The following GRXCR1 variants were observed in gnomAD, a reference collection of about 807,000 sequenced individuals.
GRXCR1 encodes the protein glutaredoxin and cysteine rich domain containing 1.
GRXCR1 carries 27 observed loss-of-function variants against 27.3 expected under a neutral mutation model. The observed-to-expected ratio is 0.99, with a 90% CI of 0.73 to 1.37. The LOEUF is 1.37. GRXCR1 is among the 40% of genes most tolerant of loss of function. The pLI is 0.00. For missense variants in GRXCR1, 379 were observed against 354.4 expected, an observed-to-expected ratio of 1.07 and a Z score of -0.56; for synonymous variants, 122 against 131.1, an observed-to-expected ratio of 0.93 and a Z score of 0.47.
chr4:42,949,541 C>T (rs934857817), intron 1 of GRXCR1, among the ~76,000 whole-genome samples: 4 of 152,030 alleles, frequency 2.6e-5, no homozygotes, highest in Non-Finnish European at 5.9e-5. Flanking sequence ...TTGCTAGTTG[C>T]CTGACATTAG....
chr4:42,995,456 AAAG>A (rs1222815771), intron 2 of GRXCR1, among the ~76,000 whole-genome samples: 3 of 152,174 alleles, frequency 2.0e-5, no homozygotes, highest in Non-Finnish European at 4.4e-5. Context: ...TTTAAAAGGA[AAAG>A]AAGCAGCAAA....
At chr4:42,977,658 A>T (rs1029462167) in intron 2 of GRXCR1, among the ~76,000 whole-genome samples, 2 of 151,728 alleles carry the variant, frequency 1.3e-5, no homozygotes, top group Non-Finnish European at 2.9e-5. Context: ...TAATGGAATT[A>T]AAAAAAATTG....
intron 2 of GRXCR1, among the ~76,000 whole-genome samples, chr4:43,018,992 G>T (rs375561534): frequency 6.6e-6 from 1 of 152,114 alleles, no homozygotes; most frequent in South Asian, 2.1e-4. Context: ...GAATGTATCA[G>T]TTTGACATTT....
chr4:42,928,660 T>C lies in GRXCR1; in HGVS notation c.385-34232T>C, dbSNP rs190577963. Among the ~76,000 whole-genome samples the C allele has an allele frequency of 2.0e-4, 31 of 152,056 alleles. No homozygotes were observed. In the East Asian group the frequency reaches 5.7e-3, roughly 28 times the overall value. ...AGCACATGGAAGCACACCAGAGTGC[T>C]CAGGAGGCAGAAGATAGGAGCAAGG... On this transcript the variant is annotated intron_variant, in intron 1 of 3. Coordinates refer to ENST00000399770, the MANE Select transcript of GRXCR1 (RefSeq NM_001080476.3).
chr4:42,976,596 T>C (rs1451755938), intron 2 of GRXCR1, among the ~76,000 whole-genome samples: 1 of 151,964 alleles, frequency 6.6e-6, no homozygotes, highest in African/African-American at 2.4e-5. Flanking sequence ...AACCTCCCAT[T>C]CTTGGTACCC....
intron 2 of GRXCR1, among the ~76,000 whole-genome samples, chr4:43,010,720 C>A (rs1442928655): frequency 6.6e-6 from 1 of 151,846 alleles, no homozygotes; most frequent in Non-Finnish European, 1.5e-5. Context: ...AAAGTGATCG[C>A]TTATTTAAAA....
chr4:42,998,902 C>T (rs1712261413), intron 2 of GRXCR1, among the ~76,000 whole-genome samples: 1 of 152,132 alleles, frequency 6.6e-6, no homozygotes, highest in Admixed American at 6.5e-5. Flanking sequence ...ATTTGGCTTT[C>T]CCAGGCATGC....
chr4:42,987,241 A>ATATT (rs1276367661), intron 2 of GRXCR1, among the ~76,000 whole-genome samples: 17 of 66,452 alleles, frequency 2.6e-4, no homozygotes, highest in East Asian at 2.4e-3. Context: ...ATATATATAT[A>ATATT]ATATATAATA....
At chr4:42,925,060 AG>A (rs1207057917) in intron 1 of GRXCR1, among the ~76,000 whole-genome samples, 1 of 150,186 alleles carries the variant, frequency 6.7e-6, no homozygotes, top group African/African-American at 2.5e-5. Flanking sequence ...AGCATGAAAG[AG>A]AAAAAAAAAA....
intron 2 of GRXCR1, among the ~76,000 whole-genome samples, chr4:42,999,163 C>T (rs1024701544): frequency 6.6e-6 from 1 of 152,160 alleles, no homozygotes; most frequent in Non-Finnish European, 1.5e-5. Context: ...TCTTATGATC[C>T]TTTCTGCCTC....
At chr4:42,916,763 A>G (rs1746895518) in intron 1 of GRXCR1, among the ~76,000 whole-genome samples, 1 of 152,128 alleles carries the variant, frequency 6.6e-6, no homozygotes, top group African/African-American at 2.4e-5. Flanking sequence ...GTTGGGAGAT[A>G]CTTTTAGGCT....
At chr4:42,918,890 T>C (rs1746944981) in intron 1 of GRXCR1, among the ~76,000 whole-genome samples, 1 of 152,030 alleles carries the variant, frequency 6.6e-6, no homozygotes, top group South Asian at 2.1e-4. Context: ...AGAGTTTTGT[T>C]CATGTGAATT....
intron 1 of GRXCR1, among the ~76,000 whole-genome samples, chr4:42,947,351 A>T (rs1476903704): frequency 1.3e-5 from 2 of 152,120 alleles, no homozygotes; most frequent in African/African-American, 4.8e-5. Flanking sequence ...GCCAATGGGA[A>T]AAGAGTCTCA....
At chr4:42,992,973 CT>C (rs759045212) in intron 2 of GRXCR1, among the ~76,000 whole-genome samples, 82 of 152,138 alleles carry the variant, frequency 5.4e-4, no homozygotes, top group Non-Finnish European at 9.0e-4. Flanking sequence ...TTTCTGAAGG[CT>C]TTTTCCCCCC....
intron 2 of GRXCR1, among the ~76,000 whole-genome samples, chr4:42,987,229 T>C (rs71624497): frequency 2.2e-5 from 2 of 92,230 alleles, no homozygotes; most frequent in African/African-American, 8.4e-5. Flanking sequence ...ATATTATATA[T>C]TATATATATA....
intron 3 of GRXCR1, among the ~76,000 whole-genome samples, chr4:43,030,062 G>A (rs1485431453): frequency 1.3e-5 from 2 of 152,112 alleles, no homozygotes; most frequent in African/African-American, 4.8e-5. Flanking sequence ...TTGGTTTGTA[G>A]ACAGATGTTT....
intron 1 of GRXCR1, among the ~76,000 whole-genome samples, chr4:42,900,153 T>A (rs1746429740): frequency 6.6e-6 from 1 of 152,166 alleles, no homozygotes; most frequent in African/African-American, 2.4e-5. Flanking sequence ...ATATAAACAT[T>A]TAATAGTCTA....
chr4:42,932,619 TAGAGAGAGAGAGAGAG>T lies in GRXCR1; in HGVS notation c.385-30242_385-30227del, dbSNP rs762758381. Among the ~76,000 whole-genome samples, 98 of 22,894 alleles carry T rather than the reference TAGAGAGAGAGAGAGAG, an allele frequency of 4.3e-3. 1 individual carries two copies. The highest frequency in any genetic ancestry group is 0.017 in the East Asian group (10 of 580). The allele number at this position is 22,894 out of a possible 152,430, so 15.0% of individuals were successfully genotyped here. A position where few individuals can be genotyped will look rare whatever the true frequency, so the allele number is the denominator to read the frequency against. On this transcript the variant is annotated intron_variant, in intron 1 of 3. Transcript: ENST00000399770. ...ATATATATATATATATATATATATA[TAGAGAGAGAGAGAGAG>T]AGAGAGAGAGAGAGAGAGAGAGAGA...
At chr4:42,945,944 T>A (rs963711479) in intron 1 of GRXCR1, among the ~76,000 whole-genome samples, 4 of 152,194 alleles carry the variant, frequency 2.6e-5, no homozygotes. Context: ...TTCAGCCTTT[T>A]CCTTCTCTAT....
Sources: allele counts gnomAD v4.1 joint callset (sites outside exome capture counted in the v4.1 genomes callset), GRCh38; gene constraint gnomAD v4.1.1; transcripts MANE v1.5; gene names NCBI Gene and HGNC (gene_info 2026-07-23, HGNC 2026-07-21).